The following RAB3GAP2 variants were observed in gnomAD, a reference collection of about 807,000 sequenced individuals.
The protein encoded by RAB3GAP2 is rab3 GTPase-activating protein non-catalytic subunit.
Under a neutral mutation model 185.3 loss-of-function variants are expected in RAB3GAP2, and 87 were observed. The ratio of observed to expected loss-of-function variants is 0.47; its 90% CI spans 0.39 to 0.56. The LOEUF (loss-of-function observed/expected upper bound fraction) is 0.56. Ranked by LOEUF, RAB3GAP2 falls within the 20% of genes least tolerant of loss-of-function variation. The pLI is 0.00. For synonymous variants in RAB3GAP2, 554 were observed against 576.1 expected (o/e 0.96, Z 0.55); for missense variants, 1,492 against 1,638.2 (o/e 0.91, Z 1.54).
chr1:220,242,714 A>G (rs985697617), intron 1 of RAB3GAP2, among the ~76,000 whole-genome samples: 1 of 152,196 alleles, frequency 6.6e-6, no homozygotes, highest in African/African-American at 2.4e-5. Context: ...CAACCTTGCT[A>G]AACAACTTTA....
intron 2 of RAB3GAP2, among the ~76,000 whole-genome samples, chr1:220,218,613 T>C (rs918267196): frequency 6.6e-6 from 1 of 151,930 alleles, no homozygotes; most frequent in Non-Finnish European, 1.5e-5. Context: ...AGGGGAGGGA[T>C]AGCATTAGGA....
chr1:220,151,549 A>G (rs1657754292), intron 34 of RAB3GAP2, 57 bp downstream of exon 34: 1 of 1,585,776 alleles, frequency 6.3e-7, no homozygotes, highest in Admixed American at 1.7e-5. Context: ...GTTATTAACC[A>G]GGCACTCAAG....
chr1:220,161,188 T>C (rs1430308378), intron 28 of RAB3GAP2, among the ~76,000 whole-genome samples: 1 of 152,144 alleles, frequency 6.6e-6, no homozygotes, highest in African/African-American at 2.4e-5. Flanking sequence ...TCAAGGAAGA[T>C]GAGCACAGAG....
At chr1:220,238,975 T>C (rs1659642954) in intron 1 of RAB3GAP2, among the ~76,000 whole-genome samples, 1 of 152,164 alleles carries the variant, frequency 6.6e-6, no homozygotes, top group Non-Finnish European at 1.5e-5. Context: ...AAAAGTATCA[T>C]AAGTACTTAA....
chr1:220,223,573 T>C (rs755853019), intron 2 of RAB3GAP2, among the ~76,000 whole-genome samples: 3 of 152,076 alleles, frequency 2.0e-5, no homozygotes, highest in Non-Finnish European at 4.4e-5. Flanking sequence ...TATGATAACA[T>C]ACTAGGAGTC....
At chr1:220,223,222 GT>G (rs1659340435) in intron 2 of RAB3GAP2, among the ~76,000 whole-genome samples, 1 of 151,982 alleles carries the variant, frequency 6.6e-6, no homozygotes, top group African/African-American at 2.4e-5. Context: ...GACCACAACT[GT>G]TTAATACTAC....
intron 17 of RAB3GAP2, among the ~76,000 whole-genome samples, chr1:220,187,353 A>AC (rs147071163): frequency 0.049 from 7,487 of 151,584 alleles, 213 homozygotes; most frequent in African/African-American, 0.078. Context: ...TTGGTCTTTG[A>AC]CCCCCCATTT....
chr1:220,260,056 T>A (rs1660104212), intron 1 of RAB3GAP2, among the ~76,000 whole-genome samples: 1 of 152,036 alleles, frequency 6.6e-6, no homozygotes, highest in East Asian at 1.9e-4. Context: ...CTTATGCCAG[T>A]CAGAATGACT....
At chr1:220,246,301 G>GA (rs1325247934) in intron 1 of RAB3GAP2, among the ~76,000 whole-genome samples, 2 of 151,806 alleles carry the variant, frequency 1.3e-5, no homozygotes, top group East Asian at 1.9e-4. Context: ...GGAGAAATAG[G>GA]ACACTTTTAC....
At chr1:220,151,562 A>G (rs895576037) in intron 34 of RAB3GAP2, 44 bp downstream of exon 34, 2 of 1,590,160 alleles carry the variant, frequency 1.3e-6, no homozygotes, top group Non-Finnish European at 1.7e-6. Context: ...CACTCAAGAA[A>G]ACATCCAATG....
chr1:220,202,441 T>A, intron 8 of RAB3GAP2, 67 bp from the exon 9 acceptor site: 1 of 1,480,992 alleles, frequency 6.8e-7, no homozygotes, highest in Non-Finnish European at 9.4e-7. Flanking sequence ...AAAAAAACAT[T>A]AAAACCATAC....
At chr1:220,196,008 C>T (rs779762773) in intron 10 of RAB3GAP2, among the ~76,000 whole-genome samples, 17 of 152,186 alleles carry the variant, frequency 1.1e-4, no homozygotes, top group Admixed American at 2.0e-4. Flanking sequence ...AAAGACATCT[C>T]AGCTATCAAA....
At chr1:220,201,068 T>A (rs1208012576) in intron 9 of RAB3GAP2, among the ~76,000 whole-genome samples, 1 of 152,170 alleles carries the variant, frequency 6.6e-6, no homozygotes, top group Non-Finnish European at 1.5e-5. Context: ...ATGTGTTTCT[T>A]CTAACCAGGC....
chr1:220,248,465 T>A (rs1232138062), intron 1 of RAB3GAP2, among the ~76,000 whole-genome samples: 1 of 152,186 alleles, frequency 6.6e-6, no homozygotes, highest in African/African-American at 2.4e-5. Flanking sequence ...ATGTACCATT[T>A]TTATTTGTTG....
At chr1:220,255,244 G>A (rs547676701) in intron 1 of RAB3GAP2, among the ~76,000 whole-genome samples, 1 of 150,314 alleles carries the variant, frequency 6.7e-6, no homozygotes, top group Non-Finnish European at 1.5e-5. Context: ...ACAACAACAT[G>A]AACAAAAAAG....
Position 220,233,708 on chromosome 1 carries a change from GT to G in RAB3GAP2, c.116-846del, listed in dbSNP as rs962407871. Among the ~76,000 whole-genome samples, 4 of 148,908 alleles carry G rather than the reference GT, an allele frequency of 2.7e-5. No homozygotes were observed. The East Asian group carries it at 5.9e-4, about 22-fold the overall frequency. ...GAGGCAATACATATAAAGTGTATGT[GT>G]TTTTTTTTTGAGATGGAGTCTCACT... On this transcript the variant is annotated intron_variant, in intron 1 of 34. Coordinates refer to ENST00000358951, the MANE Select transcript of RAB3GAP2 (RefSeq NM_012414.4).
intron 1 of RAB3GAP2, among the ~76,000 whole-genome samples, chr1:220,258,904 C>T (rs1032928146): frequency 3.3e-5 from 5 of 152,134 alleles, no homozygotes; most frequent in African/African-American, 1.2e-4. Flanking sequence ...GATACAAAAT[C>T]AATGTGCAAA....
intron 31 of RAB3GAP2, 144 bp downstream of exon 31, chr1:220,157,126 C>G: frequency 1.3e-6 from 1 of 756,422 alleles, no homozygotes; most frequent in South Asian, 1.5e-5. Context: ...AGAACGGAAT[C>G]AAGCAGGGAA....
chr1:220,159,486 C>T (rs1657921677), intron 28 of RAB3GAP2, 65 bp from the exon 29 acceptor site: 1 of 1,222,656 alleles, frequency 8.2e-7, no homozygotes, highest in Admixed American at 1.9e-5. Context: ...TACTATGGCA[C>T]AAATAATAAA....
Sources: allele counts gnomAD v4.1 joint callset (sites outside exome capture counted in the v4.1 genomes callset), GRCh38; gene constraint gnomAD v4.1.1; transcripts MANE v1.5; gene names NCBI Gene and HGNC (gene_info 2026-07-23, HGNC 2026-07-21).